The following STXBP5L variants were observed in gnomAD, a reference collection of about 807,000 sequenced individuals.
STXBP5L encodes the protein syntaxin binding protein 5L.
Under a neutral mutation model 144.5 loss-of-function variants are expected in STXBP5L, and 65 were observed. The observed-to-expected ratio is 0.45, with a 90% CI of 0.37 to 0.55. The LOEUF is 0.55. Ranked by LOEUF, STXBP5L falls within the 20% of genes least tolerant of loss-of-function variation. The pLI is 0.00. For synonymous variants in STXBP5L, 505 were observed against 469.6 expected, an observed-to-expected ratio of 1.08 and a Z score of -0.97; for missense variants, 1,298 against 1,405.5, an observed-to-expected ratio of 0.92 and a Z score of 1.22.
intron 22 of STXBP5L, among the ~76,000 whole-genome samples, chr3:121,397,499 C>A (rs1424256648): frequency 3.9e-5 from 6 of 152,188 alleles, no homozygotes. Flanking sequence ...ATTGGCTTAT[C>A]TGTTAATCAT....
intron 12 of STXBP5L, 92 bp from the exon 13 acceptor site, chr3:121,238,879 T>C (rs1169630685): frequency 4.0e-6 from 5 of 1,250,444 alleles, no homozygotes; most frequent in Non-Finnish European, 5.3e-6. Context: ...TTTATAGTGA[T>C]GTTTAGAGAC....
chr3:120,948,326 A>C (rs961491313), intron 2 of STXBP5L, among the ~76,000 whole-genome samples: 45 of 151,564 alleles, frequency 3.0e-4, no homozygotes, highest in African/African-American at 1.0e-3. Flanking sequence ...TTGAATTTTA[A>C]GGGTTCTTTA....
chr3:120,981,020 G>A (rs1941715539), intron 3 of STXBP5L, among the ~76,000 whole-genome samples: 1 of 152,086 alleles, frequency 6.6e-6, no homozygotes, highest in African/African-American at 2.4e-5. Context: ...CAAAGAGACT[G>A]AAAATAGGAA....
chr3:121,253,400 C>T (rs115732915), intron 15 of STXBP5L, among the ~76,000 whole-genome samples: 50 of 151,940 alleles, frequency 3.3e-4, no homozygotes, highest in African/African-American at 9.9e-4. Flanking sequence ...ATACATATAG[C>T]TTTTTTTCTT....
chr3:121,378,031 A>C (rs910179956), intron 20 of STXBP5L, among the ~76,000 whole-genome samples: 5 of 152,226 alleles, frequency 3.3e-5, no homozygotes, highest in Non-Finnish European at 7.3e-5. Flanking sequence ...GAAATGGATG[A>C]AGCTGGAAAC....
At position 121,257,212 on chromosome 3, in the gene STXBP5L, C is replaced by T; in HGVS notation, c.1711C>T (p.Pro571Ser). 1.2e-6 allele frequency: 2 copies of T among 1,613,686 alleles called. No individual in the cohort carries two copies. Among genetic ancestry groups the T allele is most frequent in the Non-Finnish European group, 1.7e-6 (2 of 1,179,720 alleles). ...TGTTGAAGATATTATTACCCCTGAA[C>T]CAGAAACAAGTCCTCCGTTTCCAGA... Reference protein sequence around the residue: ...YDVEDIITPEPETSPPFPDLS... With the variant: ...YDVEDIITPESETSPPFPDLS... The change falls in exon 17 of 27, where the codon CCA (proline) becomes TCA (serine). Residue 571 changes from proline (P) to serine (S), a missense_variant. By Grantham distance (74) the Pro-to-Ser change is moderately conservative (BLOSUM62 -1). Transcript: ENST00000471454.
chr3:121,069,767 TG>T (rs1177974315), intron 5 of STXBP5L, among the ~76,000 whole-genome samples: 1 of 152,222 alleles, frequency 6.6e-6, no homozygotes, highest in Non-Finnish European at 1.5e-5. Flanking sequence ...GCTATTTTTT[TG>T]TTTAAGGTAT....
At chr3:121,192,179 T>A (rs2047721837) in intron 9 of STXBP5L, among the ~76,000 whole-genome samples, 1 of 152,068 alleles carries the variant, frequency 6.6e-6, no homozygotes, top group Non-Finnish European at 1.5e-5. Flanking sequence ...TATACACCAA[T>A]AACAGACAGA....
intron 5 of STXBP5L, among the ~76,000 whole-genome samples, chr3:121,083,025 G>A (rs931082910): frequency 4.6e-5 from 7 of 151,350 alleles, no homozygotes; most frequent in Non-Finnish European, 1.0e-4. Context: ...GTGAAACCCC[G>A]TGTCTACTAA....
At chr3:121,089,158 C>G (rs1234323257) in intron 5 of STXBP5L, among the ~76,000 whole-genome samples, 2 of 135,722 alleles carry the variant, frequency 1.5e-5, no homozygotes, top group Admixed American at 7.4e-5. Flanking sequence ...TATAAATACA[C>G]TTAGTATATA....
intron 5 of STXBP5L, chr3:121,049,850 C>G (rs1947820962): frequency 1.3e-5 from 2 of 152,676 alleles, no homozygotes; most frequent in African/African-American, 4.8e-5. Flanking sequence ...TCTGTGAGTA[C>G]CTGAGTGATG....
chr3:121,029,359 G>T (rs554671568), intron 3 of STXBP5L, among the ~76,000 whole-genome samples: 2 of 152,042 alleles, frequency 1.3e-5, no homozygotes, highest in South Asian at 4.2e-4. Flanking sequence ...CACAACAGAG[G>T]CCTCAGAAAT....
chr3:120,964,341 C>T (rs967596168), intron 3 of STXBP5L, among the ~76,000 whole-genome samples: 1 of 152,176 alleles, frequency 6.6e-6, no homozygotes, highest in African/African-American at 2.4e-5. Flanking sequence ...GCTCTTGCTT[C>T]TCTAGTTATA....
chr3:121,257,831 G>C (rs1057409510), intron 17 of STXBP5L, among the ~76,000 whole-genome samples: 1 of 152,074 alleles, frequency 6.6e-6, no homozygotes, highest in Non-Finnish European at 1.5e-5. Flanking sequence ...AGGCTGAGGC[G>C]GGACAATCAC....
intron 9 of STXBP5L, among the ~76,000 whole-genome samples, chr3:121,178,220 A>T (rs975098296): frequency 6.6e-6 from 1 of 152,200 alleles, no homozygotes; most frequent in African/African-American, 2.4e-5. Flanking sequence ...TTGCACAACA[A>T]TGTGAATCTA....
chr3:121,189,759 T>C (rs1040802084), intron 9 of STXBP5L, among the ~76,000 whole-genome samples: 2 of 152,104 alleles, frequency 1.3e-5, no homozygotes, highest in East Asian at 3.8e-4. Context: ...TGTTTGTTAT[T>C]TGATTCCCTT....
At chr3:120,951,217 C>G (rs1323213211) in intron 2 of STXBP5L, among the ~76,000 whole-genome samples, 4 of 152,098 alleles carry the variant, frequency 2.6e-5, no homozygotes, top group Non-Finnish European at 5.9e-5. Context: ...AAAACCTAGG[C>G]ATTACCATTC....
At chr3:121,105,455 A>G (rs2107795253) in intron 5 of STXBP5L, among the ~76,000 whole-genome samples, 2 of 149,340 alleles carry the variant, frequency 1.3e-5, no homozygotes, top group South Asian at 4.2e-4. Flanking sequence ...ACATGAAAAA[A>G]TGATCAACAT....
intron 2 of STXBP5L, among the ~76,000 whole-genome samples, chr3:120,949,264 A>C (rs947696600): frequency 2.0e-5 from 3 of 150,586 alleles, no homozygotes; most frequent in African/African-American, 4.9e-5. Flanking sequence ...TTATATTTAT[A>C]TTTTTATTTT....
Sources: gnomAD v4.1 joint callset for allele counts (sites outside exome capture counted in the v4.1 genomes callset) on GRCh38, gnomAD v4.1.1 for gene constraint, MANE v1.5 for transcripts, NCBI Gene and HGNC (gene_info 2026-07-23, HGNC 2026-07-21) for gene names.